The following VPS13B variants were observed in gnomAD, a reference collection of about 807,000 sequenced individuals.
VPS13B encodes the protein vacuolar protein sorting 13 homolog B.
A neutral mutation model predicts 426.4 loss-of-function variants in VPS13B; 285 were observed. The observed-to-expected ratio is 0.67, with a 90% CI of 0.61 to 0.74. The LOEUF is 0.74. VPS13B is among the 30% of genes least tolerant of loss of function. The probability of loss-of-function intolerance (pLI) is 0.00; values close to 1 mark genes in which losing one functional copy is unlikely to be tolerated. For missense variants in VPS13B, 4,537 were observed against 4,782.6 expected (o/e 0.95, Z 1.51); for synonymous variants, 1,676 against 1,676.4 (o/e 1.00, Z 0.01).
chr8:99,021,451 T>C (rs1841881952), intron 2 of VPS13B, among the ~76,000 whole-genome samples: 1 of 152,020 alleles, frequency 6.6e-6, no homozygotes, highest in Non-Finnish European at 1.5e-5. Flanking sequence ...TGAAACCCTG[T>C]CTCTACTAAA....
At chr8:99,563,274 G>C (rs1027778576) in intron 31 of VPS13B, among the ~76,000 whole-genome samples, 1 of 152,176 alleles carries the variant, frequency 6.6e-6, no homozygotes, top group African/African-American at 2.4e-5. Context: ...TATTATTCTA[G>C]TATATGTCCT....
At chr8:99,587,016 C>A (rs545217529) in intron 33 of VPS13B, among the ~76,000 whole-genome samples, 1 of 152,198 alleles carries the variant, frequency 6.6e-6, no homozygotes, top group South Asian at 2.1e-4. Flanking sequence ...TGTTCCCTGC[C>A]CTGTGTCCAA....
chr8:99,729,463 G>T (rs1367366636), intron 39 of VPS13B, among the ~76,000 whole-genome samples: 1 of 152,144 alleles, frequency 6.6e-6, no homozygotes, highest in East Asian at 1.9e-4. Flanking sequence ...GGTTAGGCAA[G>T]GTCCTTTGTC....
At chr8:99,297,461 A>G (rs1247041527) in intron 19 of VPS13B, among the ~76,000 whole-genome samples, 5 of 152,210 alleles carry the variant, frequency 3.3e-5, no homozygotes, top group Non-Finnish European at 5.9e-5. Context: ...TAATTGTTAT[A>G]TGAATCAACT....
intron 33 of VPS13B, among the ~76,000 whole-genome samples, chr8:99,600,714 G>A (rs1205422050): frequency 1.3e-5 from 2 of 152,156 alleles, no homozygotes; most frequent in Admixed American, 1.3e-4. Context: ...CAGTGTCTCA[G>A]CACATGTATT....
intron 19 of VPS13B, among the ~76,000 whole-genome samples, chr8:99,303,986 T>C (rs765660651): frequency 2.6e-5 from 4 of 152,140 alleles, no homozygotes; most frequent in African/African-American, 4.8e-5. Context: ...TAGAGTAATA[T>C]CATTTATGAC....
intron 31 of VPS13B, among the ~76,000 whole-genome samples, chr8:99,569,240 C>T (rs183898278): frequency 7.9e-5 from 12 of 152,116 alleles, no homozygotes; most frequent in Non-Finnish European, 1.8e-4. Flanking sequence ...CCAGCCTGGG[C>T]AGCATGGCGA....
Position 99,384,314 on chromosome 8 carries a change from A to T in VPS13B, c.2931A>T (p.Gln977His), listed in dbSNP as rs1455175689. 1 of 1,611,026 alleles carries T rather than the reference A, an allele frequency of 6.2e-7. No individual in the cohort carries two copies. Among genetic ancestry groups the T allele is most frequent in the Non-Finnish European group, 8.5e-7 (1 of 1,177,548 alleles). ...QPQKRTSRHM[Q>H]QQPVVAVPLV... ...AGAAACGAACAAGTAGACATATGCA[A>T]CAGGTAAGAGATTTTTAAATAATTT... is the stretch of plus-strand genomic sequence containing the variant. The change falls in exon 20 of 62, where the codon CAA (glutamine) becomes CAT (histidine). Residue 977 changes from glutamine (Q) to histidine (H), a missense_variant. By Grantham distance (24) the Gln-to-His change is conservative. Around this residue, in one of 2 missense-constraint regions of VPS13B, gnomAD observed 4,311 missense variants for 4,474.3 expected, o/e 0.96. Transcript: ENST00000357162.
intron 40 of VPS13B, among the ~76,000 whole-genome samples, chr8:99,769,888 G>A (rs1811396377): frequency 6.6e-6 from 1 of 152,202 alleles, no homozygotes; most frequent in South Asian, 2.1e-4. Context: ...GGTGGGTTCA[G>A]TGGCTAACAT....
At chr8:99,448,183 CTTAA>C (rs1420911742) in intron 23 of VPS13B, among the ~76,000 whole-genome samples, 1 of 149,674 alleles carries the variant, frequency 6.7e-6, no homozygotes, top group Non-Finnish European at 1.5e-5. Context: ...GAGATGGCAA[CTTAA>C]TTTATTTTGA....
intron 39 of VPS13B, among the ~76,000 whole-genome samples, chr8:99,766,231 C>A (rs1274332188): frequency 6.6e-6 from 1 of 151,928 alleles, no homozygotes; most frequent in Non-Finnish European, 1.5e-5. Context: ...AGGTGCACGC[C>A]ACCACACCTG....
chr8:99,062,923 C>T (rs1844269599), intron 3 of VPS13B, among the ~76,000 whole-genome samples: 1 of 152,136 alleles, frequency 6.6e-6, no homozygotes, highest in African/African-American at 2.4e-5. Context: ...ATTGCAACTA[C>T]AAAATAAAGT....
At chr8:99,821,214 A>T (rs1456043981) in intron 49 of VPS13B, 80 bp from the exon 50 acceptor site, 56 of 1,036,788 alleles carry the variant, frequency 5.4e-5, no homozygotes, top group East Asian at 6.4e-5. Flanking sequence ...ATATAATATT[A>T]AAAAAAAAAT....
At chr8:99,165,045 G>A (rs1344415150) in intron 15 of VPS13B, among the ~76,000 whole-genome samples, 1 of 152,144 alleles carries the variant, frequency 6.6e-6, no homozygotes, top group East Asian at 1.9e-4. Context: ...TGGAAAATAT[G>A]CAGATGAAAG....
intron 28 of VPS13B, among the ~76,000 whole-genome samples, chr8:99,508,376 G>A (rs1446909489): frequency 1.3e-5 from 2 of 152,166 alleles, no homozygotes; most frequent in South Asian, 2.1e-4. Flanking sequence ...ACACAAGGCT[G>A]TATCAGTGAC....
intron 2 of VPS13B, among the ~76,000 whole-genome samples, chr8:99,028,400 C>CT (rs1334227686): frequency 6.7e-6 from 1 of 149,120 alleles, no homozygotes; most frequent in African/African-American, 2.5e-5. Context: ...GCTGACCCCC[C>CT]CCACCTCCCT....
chr8:99,587,410 A>G (rs1487351333), intron 33 of VPS13B, among the ~76,000 whole-genome samples: 2 of 151,644 alleles, frequency 1.3e-5, no homozygotes, highest in African/African-American at 4.9e-5. Flanking sequence ...TGTCTTCCAC[A>G]ATGGTTCAAC....
chr8:99,300,099 C>T (rs1198769780), intron 19 of VPS13B, among the ~76,000 whole-genome samples: 1 of 152,126 alleles, frequency 6.6e-6, no homozygotes, highest in African/African-American at 2.4e-5. Context: ...TAATCCTTTC[C>T]TTTGATATTC....
intron 5 of VPS13B, among the ~76,000 whole-genome samples, chr8:99,110,059 TG>T (rs557153943): frequency 3.0e-4 from 45 of 152,248 alleles, no homozygotes; most frequent in African/African-American, 1.1e-3. Flanking sequence ...ATTTGAAATA[TG>T]GTAGTCATAT....
Sources: gnomAD v4.1 joint callset for allele counts (sites outside exome capture counted in the v4.1 genomes callset) on GRCh38, gnomAD v4.1.1 for gene constraint, gnomAD v4.1.1 regional missense constraint, MANE v1.5 for transcripts, NCBI Gene and HGNC (gene_info 2026-07-23, HGNC 2026-07-21) for gene names.